The following FSTL4 variants were observed in gnomAD, a reference collection of about 807,000 sequenced individuals.
The protein encoded by FSTL4 is follistatin like 4.
FSTL4 carries 28 observed loss-of-function variants against 78.2 expected under a neutral mutation model. The ratio of observed to expected loss-of-function variants is 0.36; its 90% CI spans 0.27 to 0.49. The LOEUF is 0.49. Among genes scored for constraint, FSTL4 ranks in the 20% least tolerant of loss-of-function variants. FSTL4 has a pLI of 0.98. For missense variants in FSTL4, 922 were observed against 1,084.9 expected, an observed-to-expected ratio of 0.85 and a Z score of 2.11; for synonymous variants, 422 against 440.5, an observed-to-expected ratio of 0.96 and a Z score of 0.53.
the FSTL4 span, among the ~76,000 whole-genome samples, chr5:133,815,735 G>T: frequency 0.11 from 17,383 of 152,118 alleles, 1,472 homozygotes; most frequent in African/African-American, 0.23. Context: ...ACAAAGTCAG[G>T]TCTGAAAATG....
chr5:133,304,931 T>C (rs1753623051), intron 6 of FSTL4, among the ~76,000 whole-genome samples: 1 of 152,192 alleles, frequency 6.6e-6, no homozygotes, highest in African/African-American at 2.4e-5. Context: ...ATCAGACACT[T>C]GCCAAGGGGC....
chr5:133,636,646 TA>T, the FSTL4 span, among the ~76,000 whole-genome samples: 4 of 152,156 alleles, frequency 2.6e-5, no homozygotes, highest in Non-Finnish European at 5.9e-5. Flanking sequence ...AATGAGTTAA[TA>T]TATGTAAATT....
At chr5:133,485,287 T>A (rs1370818368) in intron 3 of FSTL4, among the ~76,000 whole-genome samples, 1 of 152,132 alleles carries the variant, frequency 6.6e-6, no homozygotes, top group Non-Finnish European at 1.5e-5. Flanking sequence ...CACAGCCAGC[T>A]CTTGGGAGCA....
chr5:133,316,109 G>A (rs1753896702), intron 5 of FSTL4, among the ~76,000 whole-genome samples: 1 of 152,210 alleles, frequency 6.6e-6, no homozygotes, highest in Non-Finnish European at 1.5e-5. Flanking sequence ...AAGACTTGGG[G>A]ACTTCCAGGT....
At chr5:133,672,475 AC>A in the FSTL4 span, among the ~76,000 whole-genome samples, 1 of 152,192 alleles carries the variant, frequency 6.6e-6, no homozygotes, top group East Asian at 1.9e-4. Context: ...TTAGAATTAA[AC>A]CTCATATCTA....
chr5:133,391,090 A>G (rs560438629), intron 4 of FSTL4, among the ~76,000 whole-genome samples: 2 of 152,324 alleles, frequency 1.3e-5, no homozygotes, highest in East Asian at 3.9e-4. Context: ...AGTGGGCATA[A>G]AACACTTTGA....
chr5:133,674,647 G>A, the FSTL4 span, among the ~76,000 whole-genome samples: 33 of 151,864 alleles, frequency 2.2e-4, no homozygotes, highest in African/African-American at 6.8e-4. Context: ...AAACCGAACC[G>A]ATGCATGAGA....
the FSTL4 span, among the ~76,000 whole-genome samples, chr5:133,675,667 C>A: frequency 6.6e-6 from 1 of 152,334 alleles, no homozygotes; most frequent in South Asian, 2.1e-4. Context: ...TCTGCCAAAC[C>A]AGGCCCCAGG....
intron 3 of FSTL4, among the ~76,000 whole-genome samples, chr5:133,563,677 AG>A (rs1401366704): frequency 6.6e-6 from 1 of 152,202 alleles, no homozygotes; most frequent in Non-Finnish European, 1.5e-5. Context: ...TGGGCTCTCT[AG>A]GGCAGGGTTT....
chr5:133,627,594 G>A, the FSTL4 span, among the ~76,000 whole-genome samples: 1 of 152,226 alleles, frequency 6.6e-6, no homozygotes, highest in East Asian at 1.9e-4. Flanking sequence ...TTTGATTAAT[G>A]TTTGCATACT....
chr5:133,616,618 T>G (rs1761204920), upstream of FSTL4, among the ~76,000 whole-genome samples: 1 of 152,048 alleles, frequency 6.6e-6, no homozygotes, highest in Non-Finnish European at 1.5e-5. Context: ...CCCAGGCTGG[T>G]CTTGAACTCC....
intron 3 of FSTL4, among the ~76,000 whole-genome samples, chr5:133,435,924 G>A (rs115163836): frequency 0.012 from 1,771 of 152,054 alleles, 39 homozygotes; most frequent in African/African-American, 0.04. Context: ...ACAGAACTTC[G>A]CCCACTCTTT....
chr5:133,676,798 C>G, the FSTL4 span, among the ~76,000 whole-genome samples: 1 of 152,130 alleles, frequency 6.6e-6, no homozygotes, highest in Non-Finnish European at 1.5e-5. Context: ...ATTTGCAGAC[C>G]AGTCCCTTCA....
chr5:133,479,584 A>C (rs1388953782), intron 3 of FSTL4, among the ~76,000 whole-genome samples: 1 of 152,214 alleles, frequency 6.6e-6, no homozygotes, highest in Non-Finnish European at 1.5e-5. Flanking sequence ...GAAAGTCAGA[A>C]ACAAAGTGAC....
At chr5:133,382,911 G>A (rs1755608204) in intron 4 of FSTL4, among the ~76,000 whole-genome samples, 1 of 151,936 alleles carries the variant, frequency 6.6e-6, no homozygotes, top group Non-Finnish European at 1.5e-5. Flanking sequence ...GGGAAAGAAA[G>A]AGGGCACAGA....
At chr5:133,502,619 C>T (rs1461711933) in intron 3 of FSTL4, among the ~76,000 whole-genome samples, 1 of 152,062 alleles carries the variant, frequency 6.6e-6, no homozygotes, top group African/African-American at 2.4e-5. Context: ...ATCATGAGGT[C>T]CAGTTGTTTT....
the FSTL4 span, among the ~76,000 whole-genome samples, chr5:133,643,790 A>T: frequency 1.3e-5 from 2 of 152,232 alleles, no homozygotes; most frequent in African/African-American, 4.8e-5. Flanking sequence ...TGAAGGGGGC[A>T]TAGGCCACAG....
At chr5:133,698,075 G>A in the FSTL4 span, among the ~76,000 whole-genome samples, 1 of 152,146 alleles carries the variant, frequency 6.6e-6, no homozygotes, top group African/African-American at 2.4e-5. Context: ...TGAATGTGTG[G>A]CTTTCATAAA....
the FSTL4 span, among the ~76,000 whole-genome samples, chr5:133,785,412 C>A: frequency 6.6e-6 from 1 of 152,196 alleles, no homozygotes; most frequent in Non-Finnish European, 1.5e-5. Flanking sequence ...TTTACTGCCC[C>A]CATCAGGCTC....
Sources: gnomAD v4.1 joint callset for allele counts (sites outside exome capture counted in the v4.1 genomes callset) on GRCh38, gnomAD v4.1.1 for gene constraint, MANE v1.5 for transcripts, NCBI Gene and HGNC (gene_info 2026-07-23, HGNC 2026-07-21) for gene names.